MAP3K14: variants seen among roughly 807,000 people sequenced by gnomAD.
The protein encoded by MAP3K14 is NF-kappa-beta-inducing kinase.
MAP3K14 carries 16 observed loss-of-function variants against 99.2 expected under a neutral mutation model. That is an observed-to-expected ratio of 0.16 (90% CI 0.11 to 0.24). The LOEUF (loss-of-function observed/expected upper bound fraction) is 0.24. Ranked by LOEUF, MAP3K14 falls within the 10% of genes least tolerant of loss-of-function variation. MAP3K14 has a pLI of 1.00. For missense variants in MAP3K14, 784 were observed against 1,208.7 expected (o/e 0.65, Z 5.21); for synonymous variants, 462 against 492.4 (o/e 0.94, Z 0.82).
intron 8 of MAP3K14, 167 bp from the exon 9 acceptor site, chr17:45,273,774 T>C: frequency 1.4e-6 from 1 of 698,512 alleles, no homozygotes; most frequent in Non-Finnish European, 2.6e-6. Flanking sequence ...GGGAGGAGGG[T>C]ATCAATTCAG....
rs2044161387 is a variant in MAP3K14, at chr17:45,274,157, G to A, written c.1518C>T (p.Leu506=). ...CCCCATGCAGAATCCTTCGTGAGTG[G>A]AGGTATTCCAGACCCTCCAGGGCCT... ...LGQALEGLEY[L]HSRRILHGDV... is the part of the protein sequence containing the mutation. Residue 506 remains leucine, a synonymous_variant, in exon 8 of 16, where the codon CTC becomes CTT. Coordinates refer to ENST00000344686, the MANE Select transcript of MAP3K14 (RefSeq NM_003954.5). 1 of 1,607,272 alleles carries A rather than the reference G, an allele frequency of 6.2e-7. No individual in the cohort carries two copies. The highest frequency in any genetic ancestry group is 1.3e-5 in the African/African-American group (1 of 74,838).
At chr17:45,315,611 C>T (rs2044524277) in intron 1 of MAP3K14, among the ~76,000 whole-genome samples, 1 of 152,178 alleles carries the variant, frequency 6.6e-6, no homozygotes, top group South Asian at 2.1e-4. Flanking sequence ...TTTTAAGTGT[C>T]CTCTCACATT....
At chr17:45,313,477 G>C (rs550211382) in intron 1 of MAP3K14, among the ~76,000 whole-genome samples, 1 of 152,276 alleles carries the variant, frequency 6.6e-6, no homozygotes, top group East Asian at 1.9e-4. Context: ...CTGATGATTA[G>C]AGAAGTGAAG....
chr17:45,291,138 C>G (rs1033489981), intron 1 of MAP3K14, among the ~76,000 whole-genome samples: 4 of 152,128 alleles, frequency 2.6e-5, no homozygotes, highest in African/African-American at 9.7e-5. Flanking sequence ...CTTTGTTTCC[C>G]CAGGACAGGG....
At chr17:45,282,645 T>G (rs2044232543) in intron 6 of MAP3K14, among the ~76,000 whole-genome samples, 1 of 151,350 alleles carries the variant, frequency 6.6e-6, no homozygotes, top group Non-Finnish European at 1.5e-5. Context: ...CTATGGCCAA[T>G]CAGCATCTAG....
At chr17:45,283,067 C>T (rs761280944) in intron 6 of MAP3K14, among the ~76,000 whole-genome samples, 6 of 152,130 alleles carry the variant, frequency 3.9e-5, no homozygotes, top group South Asian at 2.1e-4. Flanking sequence ...ATGCGAGGGG[C>T]GAGACATGGA....
At chr17:45,274,717 G>A in intron 6 of MAP3K14, 124 bp from the exon 7 acceptor site, 1 of 1,179,548 alleles carries the variant, frequency 8.5e-7, no homozygotes, top group Non-Finnish European at 1.2e-6. Flanking sequence ...GGTGATGCAG[G>A]GGCCTGGGGG....
In MAP3K14 at chr17:45,297,716, C is replaced by CTT. The variant is rs34809589; in HGVS notation, c.-20-6953_-20-6952dup. On this transcript the variant is annotated intron_variant, in intron 1 of 15. Coordinates refer to ENST00000344686, the MANE Select transcript of MAP3K14 (RefSeq NM_003954.5). ...TTGAATATGAGAAATTGGTTTAAAT[C>CTT]TTTTTTTTTTTTTTTTTTTTTGAGA... is the stretch of plus-strand genomic sequence containing the variant. Among the ~76,000 whole-genome samples the CTT allele has an allele frequency of 7.5e-4, 83 of 110,896 alleles. 1 individual carries two copies. The highest frequency in any genetic ancestry group is 1.6e-3 in the African/African-American group (47 of 29,516). The allele number at this position is 110,896 out of a possible 152,430, so 72.8% of individuals were successfully genotyped here. A position where few individuals can be genotyped will look rare whatever the true frequency, so the allele number is the denominator to read the frequency against.
chr17:45,316,607 C>T (rs957110118), intron 1 of MAP3K14, among the ~76,000 whole-genome samples: 3 of 152,208 alleles, frequency 2.0e-5, no homozygotes, highest in Non-Finnish European at 2.9e-5. Flanking sequence ...GAGCTCCATC[C>T]TGGGGGCACT....
chr17:45,281,678 T>G (rs2044224896), intron 6 of MAP3K14: 1 of 137,754 alleles, frequency 7.3e-6, no homozygotes, highest in Non-Finnish European at 1.5e-5. Flanking sequence ...TGAGTCTTGC[T>G]CTGTCACCCA....
At chr17:45,275,461 C>T (rs1432487530) in intron 6 of MAP3K14, among the ~76,000 whole-genome samples, 1 of 140,952 alleles carries the variant, frequency 7.1e-6, no homozygotes, top group Non-Finnish European at 1.5e-5. Flanking sequence ...TCCAGTCTGG[C>T]GACAGAGTGA....
chr17:45,289,465 G>A (rs1222880277), intron 2 of MAP3K14, among the ~76,000 whole-genome samples, 160 bp from the exon 3 acceptor site: 1 of 151,822 alleles, frequency 6.6e-6, no homozygotes, highest in African/African-American at 2.4e-5. Context: ...CCTCCTTCCC[G>A]CACTGTCTCT....
intron 15 of MAP3K14, 112 bp downstream of exon 15, chr17:45,265,051 A>G: frequency 2.1e-6 from 2 of 941,984 alleles, no homozygotes; most frequent in Non-Finnish European, 3.4e-6. Flanking sequence ...GCCAATTCCA[A>G]GTATTCCCTA....
At position 45,263,321 on chromosome 17, in the gene MAP3K14, C is replaced by G. The variant is rs56162418; in HGVS notation, c.*1315G>C. 1 of 152,570 alleles carries G rather than the reference C, an allele frequency of 6.6e-6. No homozygotes were observed. The highest frequency in any genetic ancestry group is 1.5e-5 in the Non-Finnish European group (1 of 68,102). The allele number at this position is 152,570 out of a possible 1,614,324, so 9.5% of individuals were successfully genotyped here. A position where few individuals can be genotyped will look rare whatever the true frequency, so the allele number is the denominator to read the frequency against. ...GGAATGAGCTTCTCCCACGGAGTCT[C>G]GGCGTCCCCTGCCCCAGGAGGTTGA... On this transcript the variant is annotated 3_prime_UTR_variant, in exon 16 of 16. Coordinates refer to ENST00000344686, the MANE Select transcript of MAP3K14 (RefSeq NM_003954.5).
In MAP3K14 at chr17:45,286,925, C is replaced by A; in HGVS notation, c.658G>T (p.Ala220Ser). 1 of 1,614,050 alleles carries A rather than the reference C, an allele frequency of 6.2e-7. No homozygotes were observed. The highest frequency in any genetic ancestry group is 8.5e-7 in the Non-Finnish European group (1 of 1,179,900). Residue 220 changes from alanine to serine, a missense_variant, in exon 5 of 16, where the codon GCT becomes TCT. Physicochemically the swap from Ala to Ser is moderately conservative, Grantham distance 99. This residue lies in a region of MAP3K14 where 188 missense variants were observed against 313.0 expected (regional missense o/e 0.60). Coordinates refer to ENST00000344686, the MANE Select transcript of MAP3K14 (RefSeq NM_003954.5). The surrounding 1 kb of genome is among the most constrained non-coding windows in gnomAD (Gnocchi z 4.1). Reference protein sequence around the residue: ...FKQLGEGLRPALPRSELHKLI... With the variant: ...FKQLGEGLRPSLPRSELHKLI... ...TTGTGGAGTTCTGATCGAGGCAGAG[C>A]CGGCCGTAGGCCCTCGCCAAGCTGC...
intron 6 of MAP3K14, among the ~76,000 whole-genome samples, chr17:45,275,412 G>A (rs1464557097): frequency 8.7e-5 from 13 of 149,724 alleles, no homozygotes; most frequent in Admixed American, 1.3e-4. Context: ...AGGTTGCAAT[G>A]AGCCAAGGTC....
Position 45,284,812 on chromosome 17 carries a change from CT to C in MAP3K14, c.1289del (p.Lys430ArgfsTer12). On this transcript the variant is annotated frameshift_variant and splice_region_variant, in exon 6 of 16. Transcript: ENST00000344686. LOFTEE classifies it high-confidence loss of function. The part of the protein sequence containing the change: ...KQTGFQCAVK[K>X]VRLEVFRAEE... ...ACTCAGCCCCTGAGCCCTGGCGTACCTTTTTGACAGCGCACTGGAAGCCAGT... is the reference window on the plus strand; with the variant it reads ...ACTCAGCCCCTGAGCCCTGGCGTACCTTTTGACAGCGCACTGGAAGCCAGT... 1 of 1,593,624 alleles carries C rather than the reference CT, an allele frequency of 6.3e-7. No individual in the cohort carries two copies. The highest frequency in any genetic ancestry group is 8.5e-7 in the Non-Finnish European group (1 of 1,170,504).
intron 6 of MAP3K14, chr17:45,282,135 C>T (rs2044228267): frequency 6.6e-6 from 1 of 152,128 alleles, no homozygotes; most frequent in Non-Finnish European, 1.5e-5. Context: ...TGCGATCTCG[C>T]TATGTTGCCC....
chr17:45,274,056 G>A, intron 8 of MAP3K14, 67 bp downstream of exon 8: 1 of 1,567,788 alleles, frequency 6.4e-7, no homozygotes, highest in Non-Finnish European at 8.7e-7. Flanking sequence ...GAACTGAGAG[G>A]AGATCAGACA....
Sources: gnomAD v4.1 joint callset for allele counts (sites outside exome capture counted in the v4.1 genomes callset) on GRCh38, gnomAD v4.1.1 for gene constraint, gnomAD v4.1.1 regional missense constraint, Gnocchi (gnomAD v3.1) non-coding constraint, MANE v1.5 for transcripts, NCBI Gene and HGNC (gene_info 2026-07-23, HGNC 2026-07-21) for gene names.